Variants in USP6NL observed in about 807,000 individuals in gnomAD.
USP6NL encodes the protein USP6 N-terminal-like protein.
A neutral mutation model predicts 61.9 loss-of-function variants in USP6NL; 26 were observed. The ratio of observed to expected loss-of-function variants is 0.42; its 90% CI spans 0.31 to 0.58. The LOEUF (loss-of-function observed/expected upper bound fraction) is 0.58. USP6NL is among the 20% of genes least tolerant of loss of function. The pLI is 0.16. For missense variants in USP6NL, 1,114 were observed against 1,034.3 expected, an observed-to-expected ratio of 1.08 and a Z score of -1.06; for synonymous variants, 432 against 390.1, an observed-to-expected ratio of 1.11 and a Z score of -1.27.
chr10:11,598,763 C>T lies in USP6NL; in HGVS notation c.-83-1046G>A, dbSNP rs1162461109. 6.6e-6 allele frequency among the ~76,000 whole-genome samples: 1 copy of T among 152,212 alleles called. No individual in the cohort carries two copies. The highest frequency in any genetic ancestry group is 2.4e-5 in the African/African-American group (1 of 41,440). On this transcript the variant is annotated intron_variant, in intron 1 of 14. Transcript: ENST00000609104. This position sits in a 1 kb window ranked among gnomAD's most constrained non-coding sequence, Gnocchi z 4.7. ...CTTTAGAATCAAAGTTAGGGAAATA[C>T]TTTTTGAAGAAATACTGCTTGCCAC... is the stretch of plus-strand genomic sequence containing the variant.
chr10:11,469,840 C>T (rs1040289045), intron 14 of USP6NL, among the ~76,000 whole-genome samples: 2 of 152,184 alleles, frequency 1.3e-5, no homozygotes, highest in Non-Finnish European at 2.9e-5. Context: ...GGCCAGGGAG[C>T]AGGCTAAATA....
At chr10:11,488,084 A>G in intron 10 of USP6NL, among the ~76,000 whole-genome samples, 1 of 152,188 alleles carries the variant, frequency 6.6e-6, no homozygotes, top group East Asian at 1.9e-4. Flanking sequence ...ATTTTGCATT[A>G]TATGAACAAA....
At chr10:11,469,612 G>C (rs987804251) in intron 14 of USP6NL, among the ~76,000 whole-genome samples, 1 of 152,138 alleles carries the variant, frequency 6.6e-6, no homozygotes, top group Non-Finnish European at 1.5e-5. Context: ...TTTTCAATAA[G>C]GATGCAAAAG....
chr10:11,604,936 A>G (rs1838658276), intron 1 of USP6NL, among the ~76,000 whole-genome samples: 1 of 152,232 alleles, frequency 6.6e-6, no homozygotes, highest in Non-Finnish European at 1.5e-5. Flanking sequence ...GAAACCAAGG[A>G]AAGTGAAACT....
intron 2 of USP6NL, chr10:11,565,207 T>A (rs1419632862): frequency 1.3e-5 from 2 of 152,194 alleles, no homozygotes; most frequent in Admixed American, 1.3e-4. Context: ...TTAACACTAT[T>A]TTTCCTTTGT....
chr10:11,534,518 T>C (rs1835765984), intron 2 of USP6NL, among the ~76,000 whole-genome samples: 1 of 152,216 alleles, frequency 6.6e-6, no homozygotes, highest in Non-Finnish European at 1.5e-5. Context: ...GAGTGGATTC[T>C]AGGCAACACA....
Position 11,590,433 on chromosome 10 carries a change from G to C in USP6NL, c.4+7198C>G, listed in dbSNP as rs180883440. Among the ~76,000 whole-genome samples the C allele has an allele frequency of 7.2e-5, 11 of 152,200 alleles. No homozygotes were observed. The East Asian group carries it at 1.9e-3, about 27-fold the overall frequency. Reference sequence around the variant, plus strand: ...CAATGCAAAAAAATGAAAATATATAGCTGTCCAGATACTATTGTAAAAACT... The same window carrying C: ...CAATGCAAAAAAATGAAAATATATACCTGTCCAGATACTATTGTAAAAACT... On this transcript the variant is annotated intron_variant, in intron 2 of 14. Coordinates refer to ENST00000609104, the MANE Select transcript of USP6NL (RefSeq NM_014688.5).
At position 11,592,247 on chromosome 10, in the gene USP6NL, A is replaced by AAAT. The variant is rs1339757787; in HGVS notation, c.4+5381_4+5383dup. Among the ~76,000 whole-genome samples the AAAT allele has an allele frequency of 6.6e-6, 1 of 152,200 alleles. No homozygotes were observed. The highest frequency in any genetic ancestry group is 2.4e-5 in the African/African-American group (1 of 41,450). ...CTAAAAGCACAGTATATTCCACTTT[A>AAAT]AATAGTGTTAATAACAACGAAGTAC... On this transcript the variant is annotated intron_variant, in intron 2 of 14. Coordinates refer to ENST00000609104, the MANE Select transcript of USP6NL (RefSeq NM_014688.5). The surrounding 1 kb of genome is among the most constrained non-coding windows in gnomAD (Gnocchi z 4.7).
At chr10:11,570,580 T>C (rs917056082) in intron 2 of USP6NL, among the ~76,000 whole-genome samples, 5 of 152,244 alleles carry the variant, frequency 3.3e-5, no homozygotes, top group Non-Finnish European at 5.9e-5. Context: ...AATTCAATCA[T>C]ATTTAGCATA....
In USP6NL at chr10:11,468,281, C is replaced by T. The variant is rs1157429980; in HGVS notation, c.1079-4432G>A. Reference sequence around the variant, plus strand: ...TTCAAACACCTGCTTGGCTCCACATCCTTTCCCAGATGACTGTCAATCACA... The same window carrying T: ...TTCAAACACCTGCTTGGCTCCACATTCTTTCCCAGATGACTGTCAATCACA... On this transcript the variant is annotated intron_variant, in intron 14 of 14. Coordinates refer to ENST00000609104, the MANE Select transcript of USP6NL (RefSeq NM_014688.5). The surrounding 1 kb of genome is among the most constrained non-coding windows in gnomAD (Gnocchi z 4.5). Among the ~76,000 whole-genome samples, 3 of 152,210 alleles carry T rather than the reference C, an allele frequency of 2.0e-5. No homozygotes were observed. Among genetic ancestry groups the T allele is most frequent in the African/African-American group, 7.2e-5 (3 of 41,456 alleles).
At chr10:11,488,171 G>A (rs893497253) in intron 10 of USP6NL, among the ~76,000 whole-genome samples, 1 of 152,106 alleles carries the variant, frequency 6.6e-6, no homozygotes, top group African/African-American at 2.4e-5. Flanking sequence ...CAGTATTTTG[G>A]GAGGCTGAGG....
chr10:11,599,175 T>C (rs1408770941), intron 1 of USP6NL, among the ~76,000 whole-genome samples: 3 of 152,234 alleles, frequency 2.0e-5, no homozygotes, highest in East Asian at 3.8e-4. Context: ...AGGTAGGACA[T>C]GTGGACCTGG....
In USP6NL at chr10:11,491,238, G is replaced by A. The variant is rs1358997870; in HGVS notation, c.495-358C>T. 2.0e-5 allele frequency among the ~76,000 whole-genome samples: 3 copies of A among 152,170 alleles called. No individual in the cohort carries two copies. The highest frequency in any genetic ancestry group is 7.2e-5 in the African/African-American group (3 of 41,426). On this transcript the variant is annotated intron_variant, in intron 8 of 14. Coordinates refer to ENST00000609104, the MANE Select transcript of USP6NL (RefSeq NM_014688.5). This position sits in a 1 kb window ranked among gnomAD's most constrained non-coding sequence, Gnocchi z 4.7. ...AAGGCTCAGTGACATTGCCAGCAAG[G>A]TACAATACCCTGCAGGGAAAGGGTG...
intron 1 of USP6NL, among the ~76,000 whole-genome samples, chr10:11,601,254 C>T (rs1411021438): frequency 1.4e-4 from 22 of 152,240 alleles, no homozygotes; most frequent in Non-Finnish European, 7.4e-5. Context: ...TACACACATA[C>T]ACACACACGT....
At chr10:11,584,773 C>T (rs1375975412) in intron 2 of USP6NL, among the ~76,000 whole-genome samples, 1 of 151,950 alleles carries the variant, frequency 6.6e-6, no homozygotes, top group East Asian at 1.9e-4. Context: ...CCCATCTCTA[C>T]AGAAAAATAC....
intron 4 of USP6NL, among the ~76,000 whole-genome samples, chr10:11,522,932 A>G (rs1310921351): frequency 6.6e-6 from 1 of 152,240 alleles, no homozygotes; most frequent in African/African-American, 2.4e-5. Flanking sequence ...CTCACTGTCA[A>G]TACAACATCG....
At chr10:11,512,252 G>A (rs541727101) in intron 5 of USP6NL, among the ~76,000 whole-genome samples, 36 of 152,218 alleles carry the variant, frequency 2.4e-4, no homozygotes, top group African/African-American at 8.2e-4. Flanking sequence ...TCCCAAACAT[G>A]CTGCTAGTAC....
intron 6 of USP6NL, among the ~76,000 whole-genome samples, chr10:11,503,808 T>C (rs1178789502): frequency 1.3e-5 from 2 of 152,202 alleles, no homozygotes; most frequent in African/African-American, 2.4e-5. Context: ...AACTCAATTT[T>C]ACCAACGTAG....
chr10:11,556,924 C>G (rs1366567098), intron 2 of USP6NL, among the ~76,000 whole-genome samples: 1 of 152,138 alleles, frequency 6.6e-6, no homozygotes, highest in African/African-American at 2.4e-5. Context: ...TCAAGGGTAC[C>G]AGCCAACTGA....
Sources: gnomAD v4.1 joint callset for allele counts (sites outside exome capture counted in the v4.1 genomes callset) on GRCh38, gnomAD v4.1.1 for gene constraint, Gnocchi (gnomAD v3.1) non-coding constraint, MANE v1.5 for transcripts, NCBI Gene and HGNC (gene_info 2026-07-23, HGNC 2026-07-21) for gene names.